APBB2: variants seen among roughly 807,000 people sequenced by gnomAD.
The protein encoded by APBB2 is Fe65-like 1.
APBB2 carries 38 observed loss-of-function variants against 82.5 expected under a neutral mutation model. That is an observed-to-expected ratio of 0.46 (90% CI 0.36 to 0.60). The LOEUF (loss-of-function observed/expected upper bound fraction) is 0.60. APBB2 is among the 20% of genes least tolerant of loss of function. The pLI, the probability that APBB2 is intolerant of heterozygous loss-of-function variation, is 0.00. For missense variants in APBB2, 772 were observed against 972.3 expected (o/e 0.79, Z 2.74); for synonymous variants, 341 against 368.2 (o/e 0.93, Z 0.85).
chr4:41,065,713 A>G (rs1051580225), intron 3 of APBB2, 40 bp from the exon 4 acceptor site: 8 of 148,200 alleles, frequency 5.4e-5, no homozygotes, highest in African/African-American at 2.0e-4. Context: ...GAAACAAAAC[A>G]GAGACTTAGG....
At chr4:41,117,696 C>A (rs1751505411) in intron 2 of APBB2, among the ~76,000 whole-genome samples, 1 of 152,100 alleles carries the variant, frequency 6.6e-6, no homozygotes, top group Non-Finnish European at 1.5e-5. Flanking sequence ...GGGTTCATTC[C>A]CACTCAGCCC....
At chr4:40,961,688 A>G (rs1793339561) in intron 6 of APBB2, among the ~76,000 whole-genome samples, 1 of 145,558 alleles carries the variant, frequency 6.9e-6, no homozygotes, top group Non-Finnish European at 1.5e-5. Flanking sequence ...AAAAAAAAAA[A>G]AAAAAAAAAA....
At chr4:41,131,945 C>CTACAGG (rs1756118273) in intron 2 of APBB2, among the ~76,000 whole-genome samples, 1 of 151,864 alleles carries the variant, frequency 6.6e-6, no homozygotes. Flanking sequence ...GAGGCTGAGG[C>CTACAGG]AGGAGAATCA....
intron 6 of APBB2, among the ~76,000 whole-genome samples, chr4:41,002,998 G>C (rs551022775): frequency 6.6e-6 from 1 of 152,222 alleles, no homozygotes; most frequent in Admixed American, 6.5e-5. Context: ...CTGTTTCTAA[G>C]CTTTGATCAA....
At chr4:40,834,344 G>A (rs918590824) in intron 12 of APBB2, among the ~76,000 whole-genome samples, 3 of 152,186 alleles carry the variant, frequency 2.0e-5, no homozygotes, top group Admixed American at 1.3e-4. Flanking sequence ...CCCTAAATAT[G>A]GAGATCTGTA....
intron 10 of APBB2, among the ~76,000 whole-genome samples, chr4:40,918,720 TCCTCCCTCCCTC>T (rs541666022): frequency 2.1e-5 from 3 of 143,602 alleles, no homozygotes; most frequent in Non-Finnish European, 1.5e-5. Flanking sequence ...CTTCCTTCCT[TCCTCCCTCCCTC>T]CCTCCCTCCT....
chr4:41,049,692 A>C (rs1725223621), intron 4 of APBB2, among the ~76,000 whole-genome samples: 1 of 152,232 alleles, frequency 6.6e-6, no homozygotes, highest in African/African-American at 2.4e-5. Context: ...CTAATAGAAA[A>C]GGGGGAAATG....
intron 4 of APBB2, among the ~76,000 whole-genome samples, chr4:41,044,432 CTATT>C (rs1398384696): frequency 8.5e-5 from 13 of 152,230 alleles, no homozygotes; most frequent in Middle Eastern, 3.4e-3. Context: ...TCCTTGTTAC[CTATT>C]TATTATCTTG....
intron 7 of APBB2, among the ~76,000 whole-genome samples, chr4:40,935,814 A>G (rs1472668566): frequency 6.6e-6 from 1 of 152,166 alleles, no homozygotes; most frequent in African/African-American, 2.4e-5. Context: ...TGATCATGAA[A>G]TGATTTTCTA....
intron 10 of APBB2, among the ~76,000 whole-genome samples, chr4:40,906,427 C>A (rs1165365095): frequency 7.2e-6 from 1 of 138,426 alleles, no homozygotes; most frequent in Non-Finnish European, 1.5e-5. Flanking sequence ...AGGTGCGCCA[C>A]TGCACTCCAG....
intron 6 of APBB2, among the ~76,000 whole-genome samples, chr4:40,992,368 G>A (rs960444403): frequency 9.6e-5 from 14 of 146,112 alleles, no homozygotes; most frequent in Middle Eastern, 3.5e-3. Flanking sequence ...AGATGGGGGG[G>A]GGTCTTTCTA....
rs539808538 is a variant in APBB2 at position 41,187,902 on chromosome 4, A to C, written c.-417+26503T>G. Among the ~76,000 whole-genome samples the C allele has an allele frequency of 3.0e-4, 45 of 152,368 alleles. No individual in the cohort carries two copies. In the Middle Eastern group the frequency reaches 0.01, roughly 35 times the overall value. ...TGCATGTATGTATATATGTGTATAC[A>C]TACATAAACATCTATTGAGATTTAT... On this transcript the variant is annotated intron_variant, in intron 1 of 17. Transcript: ENST00000508593.
intron 1 of APBB2, among the ~76,000 whole-genome samples, chr4:41,160,215 C>T (rs1764803695): frequency 6.6e-6 from 1 of 151,982 alleles, no homozygotes; most frequent in South Asian, 2.1e-4. Context: ...CCGGCCTGGA[C>T]AGGGAAGACA....
chr4:40,899,497 G>A (rs1774655387), intron 10 of APBB2, among the ~76,000 whole-genome samples: 1 of 152,170 alleles, frequency 6.6e-6, no homozygotes, highest in African/African-American at 2.4e-5. Context: ...ACAGAGCAAA[G>A]CCTGGGTATC....
At chr4:40,912,578 T>TTAA (rs1778849607) in intron 10 of APBB2, among the ~76,000 whole-genome samples, 1 of 124,896 alleles carries the variant, frequency 8.0e-6, no homozygotes, top group African/African-American at 3.0e-5. Flanking sequence ...TTCCTTCTCA[T>TTAA]AAAAAAAAAA....
intron 12 of APBB2, among the ~76,000 whole-genome samples, chr4:40,883,031 G>A (rs1396444024): frequency 7.2e-5 from 11 of 152,240 alleles, no homozygotes; most frequent in Admixed American, 2.6e-4. Context: ...AGGCCAGGAC[G>A]GCAACTGAGG....
At chr4:40,929,044 G>T (rs1783425268) in intron 10 of APBB2, among the ~76,000 whole-genome samples, 1 of 150,998 alleles carries the variant, frequency 6.6e-6, no homozygotes, top group Admixed American at 6.7e-5. Context: ...TCAGAATACA[G>T]TGTTTATTAA....
At chr4:40,995,054 G>A (rs1803260134) in intron 6 of APBB2, among the ~76,000 whole-genome samples, 1 of 152,004 alleles carries the variant, frequency 6.6e-6, no homozygotes, top group African/African-American at 2.4e-5. Flanking sequence ...CATCTCAAGG[G>A]AAAGAAGGAC....
chr4:41,008,108 A>G (rs1807296876), intron 6 of APBB2, among the ~76,000 whole-genome samples: 1 of 152,210 alleles, frequency 6.6e-6, no homozygotes, highest in Admixed American at 6.5e-5. Context: ...ATACTACTAT[A>G]TGCCTCCAGT....
Sources: gnomAD v4.1 joint callset for allele counts (sites outside exome capture counted in the v4.1 genomes callset) on GRCh38, gnomAD v4.1.1 for gene constraint, MANE v1.5 for transcripts, NCBI Gene and HGNC (gene_info 2026-07-23, HGNC 2026-07-21) for gene names.